The following FAM163B variants were observed in gnomAD, a reference collection of about 807,000 sequenced individuals.
The protein encoded by FAM163B is protein FAM163B.
FAM163B carries 4 observed loss-of-function variants against 7.6 expected under a neutral mutation model. The observed-to-expected ratio is 0.52, with a 90% CI of 0.26 to 1.20. FAM163B has a LOEUF of 1.20. Among genes scored for constraint, FAM163B ranks in the 50% most tolerant of loss-of-function variants. FAM163B has a pLI of 0.14. For missense variants in FAM163B, 250 were observed against 243.0 expected (o/e 1.03, Z -0.19); for synonymous variants, 120 against 111.6 (o/e 1.07, Z -0.47).
chr9:133,593,941 C>T (rs1457447406), intron 1 of FAM163B, among the ~76,000 whole-genome samples: 2 of 152,216 alleles, frequency 1.3e-5, no homozygotes, highest in Admixed American at 6.5e-5. Flanking sequence ...ATCCACTCCC[C>T]CTCTGCCACC....
intron 1 of FAM163B, among the ~76,000 whole-genome samples, chr9:133,604,736 G>A (rs546128339): frequency 6.6e-6 from 1 of 152,054 alleles, no homozygotes; most frequent in African/African-American, 2.4e-5. Context: ...CTGGGAACCT[G>A]CATTTCTCAC....
At position 133,598,452 on chromosome 9, in the gene FAM163B, T is replaced by A. The variant is rs73661385; in HGVS notation, c.-24+10625A>T. Among the ~76,000 whole-genome samples, 1,021 of 152,200 alleles carry A rather than the reference T, an allele frequency of 6.7e-3. 13 individuals are homozygous for A. Among genetic ancestry groups the A allele is most frequent in the African/African-American group, 0.023 (972 of 41,538 alleles). ...AAACCAAAAAATATATAATGTCTATTTTAGCTGTTCACAAGGTTACAGGCA... is the reference window on the plus strand; with the variant it reads ...AAACCAAAAAATATATAATGTCTATATTAGCTGTTCACAAGGTTACAGGCA... On this transcript the variant is annotated intron_variant, in intron 1 of 2. Coordinates refer to ENST00000673969, the MANE Select transcript of FAM163B (RefSeq NM_001080515.3).
At chr9:133,591,437 C>A (rs1043563880) in intron 1 of FAM163B, among the ~76,000 whole-genome samples, 20 of 152,172 alleles carry the variant, frequency 1.3e-4, no homozygotes, top group African/African-American at 4.3e-4. Context: ...CACACACAAG[C>A]TCATCCTGCC....
chr9:133,590,748 C>A (rs1831540722), intron 1 of FAM163B, among the ~76,000 whole-genome samples: 1 of 152,180 alleles, frequency 6.6e-6, no homozygotes, highest in African/African-American at 2.4e-5. Flanking sequence ...CCCCAGCCAG[C>A]AGCGTGGCCC....
chr9:133,597,996 C>T (rs1831656645), intron 1 of FAM163B, among the ~76,000 whole-genome samples: 1 of 152,238 alleles, frequency 6.6e-6, no homozygotes, highest in Admixed American at 6.5e-5. Flanking sequence ...CCTTCTCAGA[C>T]ACACAGGTCT....
chr9:133,585,299 A>C (rs1831418358), intron 1 of FAM163B, among the ~76,000 whole-genome samples: 2 of 151,458 alleles, frequency 1.3e-5, no homozygotes, highest in African/African-American at 2.4e-5. Context: ...CCCCCTCCCC[A>C]CACCCACCTT....
intron 1 of FAM163B, among the ~76,000 whole-genome samples, chr9:133,593,009 C>T (rs976034447): frequency 1.3e-5 from 2 of 152,230 alleles, no homozygotes; most frequent in African/African-American, 2.4e-5. Context: ...CAGCCCAGGC[C>T]GAGGCCCTCT....
At chr9:133,588,570 T>TCAAGCACATTGAGGGATC (rs145518912) in intron 1 of FAM163B, among the ~76,000 whole-genome samples, 1 of 182 alleles carries the variant, frequency 5.5e-3, no homozygotes, top group South Asian at 0.12. Context: ...TGTTGAGGGA[T>TCAAGCACATTGAGGGATC]TAGCATGCTG....
intron 1 of FAM163B, among the ~76,000 whole-genome samples, chr9:133,592,862 C>T (rs1045027654): frequency 2.6e-5 from 4 of 152,140 alleles, no homozygotes; most frequent in Non-Finnish European, 4.4e-5. Flanking sequence ...AGGCTGACCC[C>T]GGGCTGCACA....
rs1325284661 is a variant in FAM163B at position 133,601,405 on chromosome 9, G to A, written c.-24+7672C>T. Among the ~76,000 whole-genome samples, 1 of 152,214 alleles carries A rather than the reference G, an allele frequency of 6.6e-6. No homozygotes were observed. The highest frequency in any genetic ancestry group is 1.5e-5 in the Non-Finnish European group (1 of 68,036). Reference sequence around the variant, plus strand: ...TTTAAACGAGTGGAGGTGTGCTGTTGAAAGGGTCTGTCTTGCAGGTGAGAG... The same window carrying A: ...TTTAAACGAGTGGAGGTGTGCTGTTAAAAGGGTCTGTCTTGCAGGTGAGAG... On this transcript the variant is annotated intron_variant, in intron 1 of 2. Transcript: ENST00000673969. This position sits in a 1 kb window ranked among gnomAD's most constrained non-coding sequence, Gnocchi z 4.1.
At chr9:133,590,595 C>G (rs530915489) in intron 1 of FAM163B, among the ~76,000 whole-genome samples, 26 of 152,316 alleles carry the variant, frequency 1.7e-4, no homozygotes, top group African/African-American at 2.4e-5. Context: ...AGATAATGTT[C>G]GAGAAAACTC....
chr9:133,578,976 ATT>A lies in FAM163B; in HGVS notation c.*44_*45del. On this transcript the variant is annotated 3_prime_UTR_variant, in exon 3 of 3. Coordinates refer to ENST00000673969, the MANE Select transcript of FAM163B (RefSeq NM_001080515.3). ...GTGGGTGTGCCAAAGGAATCCCCCCATTGTCTCAGGACCTTCAAGGCCAGGAT... is the reference window on the plus strand; with the variant it reads ...GTGGGTGTGCCAAAGGAATCCCCCCAGTCTCAGGACCTTCAAGGCCAGGAT... The A allele has an allele frequency of 6.9e-7, 1 of 1,452,082 alleles. No homozygotes were observed. The highest frequency in any genetic ancestry group is 9.1e-7 in the Non-Finnish European group (1 of 1,103,592). 89.9% of individuals were successfully genotyped at this position (1,452,082 alleles called of 1,614,324 possible). A position where few individuals can be genotyped will look rare whatever the true frequency, so the allele number is the denominator to read the frequency against.
chr9:133,589,549 G>C (rs1831503335), intron 1 of FAM163B, among the ~76,000 whole-genome samples: 1 of 152,030 alleles, frequency 6.6e-6, no homozygotes, highest in African/African-American at 2.4e-5. Context: ...CGCCTTCCCT[G>C]CATCAGACCT....
chr9:133,588,612 C>CATGT (rs1831479289), intron 1 of FAM163B, among the ~76,000 whole-genome samples: 1 of 2,396 alleles, frequency 4.2e-4, no homozygotes, highest in Non-Finnish European at 8.3e-4. Context: ...ATCTAGGATG[C>CATGT]TGAAGGATCT....
intron 2 of FAM163B, 75 bp from the exon 3 acceptor site, chr9:133,579,504 T>C (rs1588320200): frequency 6.8e-7 from 1 of 1,480,542 alleles, no homozygotes; most frequent in Non-Finnish European, 9.0e-7. Flanking sequence ...AGGCTACCCC[T>C]GACTGGGGAG....
At position 133,603,050 on chromosome 9, in the gene FAM163B, C is replaced by T. The variant is rs566670612; in HGVS notation, c.-24+6027G>A. Among the ~76,000 whole-genome samples, 6 of 152,262 alleles carry T rather than the reference C, an allele frequency of 3.9e-5. No homozygotes were observed. In the East Asian group the frequency reaches 7.7e-4, roughly 20 times the overall value. ...GAGGTTGGCCCAGGGAGAAAGGGCA[C>T]CTGGGGTGGGCAGGTGCTCGCCTTC... On this transcript the variant is annotated intron_variant, in intron 1 of 2. Coordinates refer to ENST00000673969, the MANE Select transcript of FAM163B (RefSeq NM_001080515.3).
At chr9:133,584,034 C>T (rs1045665697) in intron 1 of FAM163B, among the ~76,000 whole-genome samples, 10 of 114,520 alleles carry the variant, frequency 8.7e-5, no homozygotes, top group Non-Finnish European at 1.6e-4. Flanking sequence ...GTGCCCCACC[C>T]TCTGGGATGC....
At chr9:133,588,497 C>T (rs564659163) in intron 1 of FAM163B, among the ~76,000 whole-genome samples, 1 of 2,424 alleles carries the variant, frequency 4.1e-4, no homozygotes, top group Non-Finnish European at 6.2e-4. Context: ...GCTGCATGGC[C>T]CAAGGAGGTT....
rs758219287 is a variant in FAM163B at position 133,579,045 on chromosome 9, G to C, written c.478C>G (p.Arg160Gly). ...GGTCACACGTCGGTGCTGATGCTGC[G>C]GCTCCTGGCGAAGGCCTCCCGCATG... Reference protein sequence around the residue: ...SAMREAFARSRSISTDV With the variant: ...SAMREAFARSGSISTDV Residue 160 changes from arginine to glycine, a missense_variant, in exon 3 of 3, where the codon CGC becomes GGC. Transcript: ENST00000673969. The C allele has an allele frequency of 1.1e-5, 17 of 1,564,278 alleles. No individual in the cohort carries two copies. The highest frequency in any genetic ancestry group is 1.9e-5 in the Admixed American group (1 of 53,510).
Sources: gnomAD v4.1 joint callset for allele counts (sites outside exome capture counted in the v4.1 genomes callset) on GRCh38, gnomAD v4.1.1 for gene constraint, Gnocchi (gnomAD v3.1) non-coding constraint, MANE v1.5 for transcripts, NCBI Gene and HGNC (gene_info 2026-07-23, HGNC 2026-07-21) for gene names.